The following MYO5B variants were observed in gnomAD, a reference collection of about 807,000 sequenced individuals.
The protein encoded by MYO5B is myosin VB.
In MYO5B, 143 loss-of-function variants were observed where a neutral mutation model predicts 229.3. That is an observed-to-expected ratio of 0.62 (90% CI 0.54 to 0.72). MYO5B has a LOEUF of 0.72. Ranked by LOEUF, MYO5B falls within the 30% of genes least tolerant of loss-of-function variation. The pLI is 0.00. For missense variants in MYO5B, 2,321 were observed against 2,331.0 expected (o/e 1.00, Z 0.09); for synonymous variants, 918 against 885.2 (o/e 1.04, Z -0.66).
intron 39 of MYO5B, among the ~76,000 whole-genome samples, chr18:49,827,163 T>C (rs2023857230): frequency 6.6e-6 from 1 of 152,238 alleles, no homozygotes; most frequent in African/African-American, 2.4e-5. Flanking sequence ...ACTCTGGAAC[T>C]TGATTGGACA....
At chr18:50,009,843 G>A (rs2026143885) in intron 4 of MYO5B, among the ~76,000 whole-genome samples, 1 of 152,222 alleles carries the variant, frequency 6.6e-6, no homozygotes, top group South Asian at 2.1e-4. Flanking sequence ...AAAGTGGGAA[G>A]GAGATGTGTC....
At chr18:50,134,166 C>A (rs539154482) in intron 1 of MYO5B, among the ~76,000 whole-genome samples, 1 of 152,268 alleles carries the variant, frequency 6.6e-6, no homozygotes, top group South Asian at 2.1e-4. Flanking sequence ...TTGAATTTAA[C>A]TACACAGATA....
At chr18:50,088,926 G>GA (rs1292007963) in intron 1 of MYO5B, among the ~76,000 whole-genome samples, 3 of 152,182 alleles carry the variant, frequency 2.0e-5, no homozygotes, top group African/African-American at 7.2e-5. Context: ...TTTGTTAGCT[G>GA]ATGTTTTTTG....
chr18:49,963,576 G>A (rs1364820727), intron 10 of MYO5B, among the ~76,000 whole-genome samples: 2 of 151,834 alleles, frequency 1.3e-5, no homozygotes, highest in Non-Finnish European at 2.9e-5. Context: ...GCAGGCACAC[G>A]CCACCATGCC....
intron 12 of MYO5B, among the ~76,000 whole-genome samples, chr18:49,961,961 T>C (rs1427667853): frequency 6.6e-6 from 1 of 152,202 alleles, no homozygotes; most frequent in Non-Finnish European, 1.5e-5. Flanking sequence ...GCAGTTCTTC[T>C]CTTGGCACCT....
Position 49,904,761 on chromosome 18 carries a change from C to T in MYO5B, c.2482G>A (p.Ala828Thr). Residue 828 changes from alanine (A) to threonine (T), a missense_variant, in exon 20 of 40, where the codon GCC becomes ACC. By Grantham distance (58) the Ala-to-Thr change is moderately conservative (BLOSUM62 0). Around this residue, in one of 2 missense-constraint regions of MYO5B, gnomAD observed 2,113 missense variants for 2,044.7 expected, o/e 1.03. Transcript: ENST00000285039. ...CGGACCCTCTGGTAGGCCTGGCGGG[C>T]CCTCTGCATGCGGTAATGTTTCTGG... Reference protein sequence around the residue: ...VLQKHYRMQRARQAYQRVRRA... With the variant: ...VLQKHYRMQRTRQAYQRVRRA... 1.2e-6 allele frequency: 2 copies of T among 1,613,988 alleles called. No individual in the cohort carries two copies. The highest frequency in any genetic ancestry group is 1.7e-6 in the Non-Finnish European group (2 of 1,180,036).
At position 50,071,808 on chromosome 18, in the gene MYO5B, A is replaced by T. The variant is rs1288541206; in HGVS notation, c.28-16430T>A. Among the ~76,000 whole-genome samples the T allele has an allele frequency of 2.6e-5, 4 of 152,240 alleles. No individual in the cohort carries two copies. In the East Asian group the frequency reaches 7.7e-4, roughly 29 times the overall value. On this transcript the variant is annotated intron_variant, in intron 1 of 39. Coordinates refer to ENST00000285039, the MANE Select transcript of MYO5B (RefSeq NM_001080467.3). ...ATACAGTGTTTTGTGTTTCTCTAAA[A>T]CTAAATGGAAGAATGCCAAGAGCAG...
At chr18:49,895,212 A>T in intron 21 of MYO5B, 38 bp from the exon 22 acceptor site, 3 of 1,537,794 alleles carry the variant, frequency 2.0e-6, no homozygotes, top group Non-Finnish European at 2.7e-6. Flanking sequence ...AAGGGAGAAG[A>T]AGTGGGGGAA....
At chr18:50,005,354 AT>A (rs1192973666) in intron 4 of MYO5B, among the ~76,000 whole-genome samples, 2 of 152,218 alleles carry the variant, frequency 1.3e-5, no homozygotes, top group Non-Finnish European at 2.9e-5. Flanking sequence ...ACGTACCCAC[AT>A]TATAGAGAAT....
intron 4 of MYO5B, among the ~76,000 whole-genome samples, chr18:50,034,674 G>C (rs1294835577): frequency 6.6e-6 from 1 of 152,124 alleles, no homozygotes; most frequent in Admixed American, 6.5e-5. Flanking sequence ...AACCTGGGGG[G>C]CGGAGGTTGC....
At chr18:49,900,894 T>C (rs535431184) in intron 21 of MYO5B, among the ~76,000 whole-genome samples, 13 of 152,256 alleles carry the variant, frequency 8.5e-5, no homozygotes, top group Non-Finnish European at 1.6e-4. Context: ...TCAGTAATGT[T>C]TGGGGTTAAA....
intron 14 of MYO5B, among the ~76,000 whole-genome samples, chr18:49,938,849 C>T (rs1429576985): frequency 3.3e-5 from 5 of 152,134 alleles, no homozygotes; most frequent in Non-Finnish European, 7.3e-5. Context: ...GCCCCTCTCT[C>T]AAGGTTGAGC....
intron 4 of MYO5B, among the ~76,000 whole-genome samples, chr18:50,026,504 G>A (rs575929639): frequency 1.3e-5 from 2 of 152,312 alleles, no homozygotes; most frequent in Admixed American, 6.5e-5. Flanking sequence ...GTTATAATTG[G>A]TTGCCAAGCA....
chr18:50,063,893 G>C (rs1194658519), intron 1 of MYO5B: 1 of 152,284 alleles, frequency 6.6e-6, no homozygotes, highest in African/African-American at 2.4e-5. Flanking sequence ...CCTGTTTACT[G>C]CCCTATGAAT....
chr18:49,927,845 C>T (rs970233435), intron 17 of MYO5B, among the ~76,000 whole-genome samples: 3 of 152,232 alleles, frequency 2.0e-5, no homozygotes, highest in Admixed American at 6.5e-5. Flanking sequence ...GCAACGACTT[C>T]ATGACCAAGA....
chr18:49,910,108 A>G (rs1235350024), intron 18 of MYO5B, among the ~76,000 whole-genome samples: 1 of 152,226 alleles, frequency 6.6e-6, no homozygotes, highest in Non-Finnish European at 1.5e-5. Flanking sequence ...AGCACTGAGA[A>G]GCAGGCAGGC....
At chr18:50,159,932 A>T (rs577984363) in intron 1 of MYO5B, among the ~76,000 whole-genome samples, 1 of 152,326 alleles carries the variant, frequency 6.6e-6, no homozygotes, top group Admixed American at 6.5e-5. Context: ...CCTCCCTTGC[A>T]GAACAGGCAC....
chr18:50,128,074 G>C (rs964972704), intron 1 of MYO5B, among the ~76,000 whole-genome samples: 6 of 152,224 alleles, frequency 3.9e-5, no homozygotes, highest in Non-Finnish European at 7.3e-5. Flanking sequence ...TGGGTTTCCA[G>C]CTTGCTGAAT....
intron 2 of MYO5B, among the ~76,000 whole-genome samples, chr18:50,046,508 T>C (rs1175891718): frequency 2.0e-5 from 3 of 152,090 alleles, no homozygotes; most frequent in African/African-American, 7.2e-5. Flanking sequence ...TGGCTGAAGG[T>C]TTTTAACTTA....
Sources: gnomAD v4.1 joint callset for allele counts (sites outside exome capture counted in the v4.1 genomes callset) on GRCh38, gnomAD v4.1.1 for gene constraint, gnomAD v4.1.1 regional missense constraint, MANE v1.5 for transcripts, NCBI Gene and HGNC (gene_info 2026-07-23, HGNC 2026-07-21) for gene names.